Variants in TGFBR3L observed in about 807,000 individuals in gnomAD.
The protein encoded by TGFBR3L is transforming growth factor beta receptor 3 like, also known as transforming growth factor-beta receptor type 3-like protein.
A neutral mutation model predicts 20.4 loss-of-function variants in TGFBR3L; 21 were observed. The ratio of observed to expected loss-of-function variants is 1.03; its 90% CI spans 0.73 to 1.48. TGFBR3L has a LOEUF of 1.48. Among genes scored for constraint, TGFBR3L ranks in the 40% most tolerant of loss-of-function variants. TGFBR3L has a pLI of 0.00. For synonymous variants in TGFBR3L, 245 were observed against 244.2 expected, an observed-to-expected ratio of 1.00 and a Z score of -0.03; for missense variants, 479 against 498.0, an observed-to-expected ratio of 0.96 and a Z score of 0.36.
Position 7,917,521 on chromosome 19 carries a change from G to A in TGFBR3L, c.646G>A (p.Glu216Lys), listed in dbSNP as rs1346128290. Reference sequence around the variant, plus strand: ...CGCCGACACTGGCAGTGGCAGCGCCGAGGGCCTGGCTGCTGACGGCCCCCA... The same window carrying A: ...CGCCGACACTGGCAGTGGCAGCGCCAAGGGCCTGGCTGCTGACGGCCCCCA... The change falls in exon 3 of 6, where the codon GAG (glutamate) becomes AAG (lysine). Residue 216 changes from glutamate to lysine, a missense_variant. Transcript: ENST00000565886. The A allele has an allele frequency of 6.6e-7, 1 of 1,524,698 alleles. No individual in the cohort carries two copies. Among genetic ancestry groups the A allele is most frequent in the Non-Finnish European group, 8.8e-7 (1 of 1,142,346 alleles). 94.4% of individuals were successfully genotyped at this position (1,524,698 alleles called of 1,614,324 possible). A position where few individuals can be genotyped will look rare whatever the true frequency, so the allele number is the denominator to read the frequency against.
In TGFBR3L at chr19:7,919,001, G is replaced by T. The variant is rs1983455020; in HGVS notation, c.*90G>T. On this transcript the variant is annotated 3_prime_UTR_variant, in exon 6 of 6. Coordinates refer to ENST00000565886, the MANE Select transcript of TGFBR3L (RefSeq NM_001195259.2). ...CCAACAGGACCGGACCCGCCTCCCT[G>T]GACCTCGGACCTGATGAGGCCACGA... 4.8e-5 allele frequency: 19 copies of T among 398,612 alleles called. No homozygotes were observed. The East Asian group carries it at 6.8e-4, about 14-fold the overall frequency. 24.7% of individuals were successfully genotyped at this position (398,612 alleles called of 1,614,324 possible).
In TGFBR3L at chr19:7,917,611, GTCC is replaced by G. The variant is rs759373106; in HGVS notation, c.724+19_724+21del. ...GCGGCCGCCCCCCAGTGAGCACGCA[GTCC>G]TCCTCCGCATGGGGCCGTGGGGCGG... On this transcript the variant is annotated intron_variant, in intron 3 of 5. Transcript: ENST00000565886. 6.8e-6 allele frequency: 10 copies of G among 1,461,730 alleles called. 1 individual carries two copies. In the South Asian group the frequency reaches 9.4e-5, roughly 14 times the overall value. The allele number at this position is 1,461,730 out of a possible 1,614,324, so 90.5% of individuals were successfully genotyped here. A position where few individuals can be genotyped will look rare whatever the true frequency, so the allele number is the denominator to read the frequency against.
Position 7,916,000 on chromosome 19 carries a change from C to A in TGFBR3L, c.-268C>A. ...CTTCCTCGTTGGTGACAGCACCTAT[C>A]TCCCCTTAGAAAGGGGAGCCGCCTG... On this transcript the variant is annotated 5_prime_UTR_variant, in exon 1 of 6. Transcript: ENST00000565886. The A allele has an allele frequency of 3.6e-6, 2 of 550,272 alleles. No homozygotes were observed. The highest frequency in any genetic ancestry group is 2.7e-5 in the South Asian group (1 of 36,950). The allele number at this position is 550,272 out of a possible 1,614,324, so 34.1% of individuals were successfully genotyped here.
In TGFBR3L at chr19:7,915,123, C is replaced by A. The variant is rs1240657325; in HGVS notation, c.-1145C>A. On this transcript the variant is annotated 5_prime_UTR_variant, in exon 1 of 6. Coordinates refer to ENST00000565886, the MANE Select transcript of TGFBR3L (RefSeq NM_001195259.2). ...CTGAGTAGCTGGGACTACAGGCACG[C>A]ACCACCACGCCTGGCTAATTGTTGT... is the stretch of plus-strand genomic sequence containing the variant. Among the ~76,000 whole-genome samples, 1 of 152,190 alleles carries A rather than the reference C, an allele frequency of 6.6e-6. No homozygotes were observed. The highest frequency in any genetic ancestry group is 2.4e-5 in the African/African-American group (1 of 41,426).
At position 7,915,167 on chromosome 19, in the gene TGFBR3L, G is replaced by T. The variant is rs1231723143; in HGVS notation, c.-1101G>T. On this transcript the variant is annotated 5_prime_UTR_variant, in exon 1 of 6. Transcript: ENST00000565886. ...TTGTTGTATTTTTAGTAGAGACAGCGTTTCCCCATGTTGGCCAGGCTGGTC... is the reference window on the plus strand; with the variant it reads ...TTGTTGTATTTTTAGTAGAGACAGCTTTTCCCCATGTTGGCCAGGCTGGTC... Among the ~76,000 whole-genome samples, 3 of 152,124 alleles carry T rather than the reference G, an allele frequency of 2.0e-5. No homozygotes were observed. Among genetic ancestry groups the T allele is most frequent in the African/African-American group, 7.2e-5 (3 of 41,418 alleles).
In TGFBR3L at chr19:7,917,751, C is replaced by T; in HGVS notation, c.775C>T (p.Pro259Ser). The stretch of plus-strand genomic sequence containing the variant: ...TGCAGTGCGCCCTGAGCCTCCCGCG[C>T]CGGCCCCCGCGGCCCTGGAACCCGC... Residue 259 changes from proline to serine, a missense_variant, in exon 4 of 6, where the codon CCG (proline) becomes TCG (serine). Transcript: ENST00000565886. The T allele has an allele frequency of 7.0e-7, 1 of 1,436,086 alleles. No individual in the cohort carries two copies. Among genetic ancestry groups the T allele is most frequent in the South Asian group, 1.4e-5 (1 of 71,046 alleles). 89.0% of individuals were successfully genotyped at this position (1,436,086 alleles called of 1,614,324 possible).
In TGFBR3L at chr19:7,916,635, G is replaced by C. The variant is rs898582326; in HGVS notation, c.290G>C (p.Arg97Pro). The C allele has an allele frequency of 4.2e-6, 6 of 1,421,160 alleles. No homozygotes were observed. The African/African-American group carries it at 6.1e-5, about 14-fold the overall frequency. The allele number at this position is 1,421,160 out of a possible 1,614,324, so 88.0% of individuals were successfully genotyped here. ...TCCGTCCCCCAGGCGGCCTTGGCCC[G>C]TCCCTCCCCGCGCTGGGGCCTGGCC... Residue 97 changes from arginine to proline, a missense_variant, in exon 2 of 6, where the codon CGT (arginine) becomes CCT (proline). Transcript: ENST00000565886.
Position 7,914,888 on chromosome 19 carries a change from T to C in TGFBR3L, c.-1380T>C, listed in dbSNP as rs1326079745. 1.3e-5 allele frequency among the ~76,000 whole-genome samples: 2 copies of C among 152,158 alleles called. No homozygotes were observed. The highest frequency in any genetic ancestry group is 2.9e-5 in the Non-Finnish European group (2 of 68,024). On this transcript the variant is annotated 5_prime_UTR_variant, in exon 1 of 6. Transcript: ENST00000565886. ...GGCACCGTGCTGCTGCTGGCCCTGCTCCCAGGGATCACCACCTTACCCAGC... is the reference window on the plus strand; with the variant it reads ...GGCACCGTGCTGCTGCTGGCCCTGCCCCCAGGGATCACCACCTTACCCAGC...
At position 7,916,066 on chromosome 19, in the gene TGFBR3L, G is replaced by A. The variant is rs1983269594; in HGVS notation, c.-202G>A. ...AAGAGCAGCCCTGGGGAAGGTGGGG[G>A]AGCTCTGACTTCACCCAGCCGGACC... On this transcript the variant is annotated 5_prime_UTR_variant, in exon 1 of 6. Coordinates refer to ENST00000565886, the MANE Select transcript of TGFBR3L (RefSeq NM_001195259.2). The A allele has an allele frequency of 4.0e-6, 4 of 1,008,160 alleles. No individual in the cohort carries two copies. The highest frequency in any genetic ancestry group is 1.6e-5 in the African/African-American group (1 of 60,784). The allele number at this position is 1,008,160 out of a possible 1,614,324, so 62.5% of individuals were successfully genotyped here.
At position 7,916,715 on chromosome 19, in the gene TGFBR3L, G is replaced by A; in HGVS notation, c.370G>A (p.Ala124Thr). The A allele has an allele frequency of 6.8e-7, 1 of 1,480,756 alleles. No individual in the cohort carries two copies. The highest frequency in any genetic ancestry group is 8.9e-7 in the Non-Finnish European group (1 of 1,122,806). 91.7% of individuals were successfully genotyped at this position (1,480,756 alleles called of 1,614,324 possible). ...ACGCCCGGCCCCGGGGCCCGCCCTG[G>A]CTCTGCTGCGTGAGGGCTGCCCCGC... Residue 124 changes from alanine (A) to threonine (T), a missense_variant, in exon 2 of 6, where the codon GCT becomes ACT. By Grantham distance (58) the Ala-to-Thr change is moderately conservative. Coordinates refer to ENST00000565886, the MANE Select transcript of TGFBR3L (RefSeq NM_001195259.2).
intron 3 of TGFBR3L, 41 bp downstream of exon 4, chr19:7,917,640 C>G (rs1568286391): frequency 1.4e-6 from 2 of 1,428,694 alleles, no homozygotes; most frequent in Admixed American, 2.8e-5. Context: ...CGTGGGGCGG[C>G]AGAGCGGGTG....
chr19:7,918,244 TTTG>T (rs544964235), intron 5 of TGFBR3L, 115 bp downstream of exon 6: 1 of 1,275,948 alleles, frequency 7.8e-7, no homozygotes, highest in Non-Finnish European at 1.1e-6. Flanking sequence ...TGTTTGTTTG[TTTG>T]TTTTTTGAGA....
At chr19:7,917,631 G>A (rs1445257272) in intron 3 of TGFBR3L, 32 bp downstream of exon 4, 4 of 1,433,070 alleles carry the variant, frequency 2.8e-6, no homozygotes, top group South Asian at 1.4e-5. Flanking sequence ...GCATGGGGCC[G>A]TGGGGCGGCA....
Position 7,916,087 on chromosome 19 carries a change from G to T in TGFBR3L, c.-181G>T, listed in dbSNP as rs1983270534. 2 of 1,263,392 alleles carry T rather than the reference G, an allele frequency of 1.6e-6. No homozygotes were observed. The highest frequency in any genetic ancestry group is 1.6e-5 in the South Asian group (1 of 62,244). The allele number at this position is 1,263,392 out of a possible 1,614,324, so 78.3% of individuals were successfully genotyped here. A position where few individuals can be genotyped will look rare whatever the true frequency, so the allele number is the denominator to read the frequency against. ...GGGGGAGCTCTGACTTCACCCAGCC[G>T]GACCCCACCATCGGGTGCTCCTCAC... On this transcript the variant is annotated 5_prime_UTR_variant, in exon 1 of 6. Coordinates refer to ENST00000565886, the MANE Select transcript of TGFBR3L (RefSeq NM_001195259.2).
intron 5 of TGFBR3L, 86 bp downstream of exon 6, chr19:7,918,215 G>T (rs1831352038): frequency 7.3e-7 from 1 of 1,372,734 alleles, no homozygotes; most frequent in Non-Finnish European, 9.9e-7. Context: ...AGGCACTGTG[G>T]TTTTTTTGTT....
At position 7,916,689 on chromosome 19, in the gene TGFBR3L, C is replaced by T; in HGVS notation, c.344C>T (p.Ser115Leu). The T allele has an allele frequency of 7.0e-7, 1 of 1,433,318 alleles. No individual in the cohort carries two copies. Among genetic ancestry groups the T allele is most frequent in the Non-Finnish European group, 9.1e-7 (1 of 1,102,778 alleles). 88.8% of individuals were successfully genotyped at this position (1,433,318 alleles called of 1,614,324 possible). The change falls in exon 2 of 6, where the codon TCA becomes TTA. Residue 115 changes from serine to leucine, a missense_variant. By Grantham distance (145) the Ser-to-Leu change is moderately radical (BLOSUM62 -2). Coordinates refer to ENST00000565886, the MANE Select transcript of TGFBR3L (RefSeq NM_001195259.2). Reference sequence around the variant, plus strand: ...CACCGCTGCTCAGTGACGCCGTCCTCACGCCCGGCCCCGGGGCCCGCCCTG... The same window carrying T: ...CACCGCTGCTCAGTGACGCCGTCCTTACGCCCGGCCCCGGGGCCCGCCCTG...
chr19:7,917,874 C>T lies in TGFBR3L; in HGVS notation c.883+15C>T. 5 of 1,369,500 alleles carry T rather than the reference C, an allele frequency of 3.7e-6. No homozygotes were observed. The highest frequency in any genetic ancestry group is 3.0e-5 in the East Asian group (1 of 33,392). The allele number at this position is 1,369,500 out of a possible 1,614,324, so 84.8% of individuals were successfully genotyped here. ...TGCGCACTCAGGTACCGACGACCTC[C>T]GCCAAGCCGGGCCCCCAGTCTAATC... On this transcript the variant is annotated intron_variant, in intron 4 of 5. Transcript: ENST00000565886.
At position 7,915,754 on chromosome 19, in the gene TGFBR3L, G is replaced by T. The variant is rs558876451; in HGVS notation, c.-514G>T. Among the ~76,000 whole-genome samples, 3 of 152,304 alleles carry T rather than the reference G, an allele frequency of 2.0e-5. No individual in the cohort carries two copies. The highest frequency in any genetic ancestry group is 4.1e-4 in the South Asian group (2 of 4,830). ...CCCTGTCTCAGAAAACAAGAAAAATGGATGTGCAGGCAATCTTTCGTATTT... is the reference window on the plus strand; with the variant it reads ...CCCTGTCTCAGAAAACAAGAAAAATTGATGTGCAGGCAATCTTTCGTATTT... On this transcript the variant is annotated 5_prime_UTR_variant, in exon 1 of 6. Coordinates refer to ENST00000565886, the MANE Select transcript of TGFBR3L (RefSeq NM_001195259.2).
rs899552228 is a variant in TGFBR3L, at chr19:7,917,946, G to A, written c.883+87G>A. ...GGCCGCGATCCCGCCTGCGGGGCCT[G>A]ATCAACCCTAGCTAGGCCTGCCTCC... is the stretch of plus-strand genomic sequence containing the variant. On this transcript the variant is annotated intron_variant, in intron 4 of 5. Transcript: ENST00000565886. 3.1e-4 allele frequency: 436 copies of A among 1,409,432 alleles called. 1 individual carries two copies. The highest frequency in any genetic ancestry group is 3.9e-4 in the Non-Finnish European group (422 of 1,087,722). The allele number at this position is 1,409,432 out of a possible 1,614,324, so 87.3% of individuals were successfully genotyped here.
Sources: gnomAD v4.1 joint callset for allele counts (sites outside exome capture counted in the v4.1 genomes callset) on GRCh38, gnomAD v4.1.1 for gene constraint, MANE v1.5 for transcripts, NCBI Gene and HGNC (gene_info 2026-07-23, HGNC 2026-07-21) for gene names.